Variants in BRAF observed in about 807,000 individuals in gnomAD.
BRAF encodes serine/threonine-protein kinase B-raf.
A neutral mutation model predicts 104.6 loss-of-function variants in BRAF; 16 were observed. That is an observed-to-expected ratio of 0.15 (90% CI 0.10 to 0.23). The LOEUF (loss-of-function observed/expected upper bound fraction) is 0.23. Ranked by LOEUF, BRAF falls within the 10% of genes least tolerant of loss-of-function variation. The probability of loss-of-function intolerance (pLI) is 1.00; values close to 1 mark genes in which losing one functional copy is unlikely to be tolerated. For synonymous variants in BRAF, 310 were observed against 341.6 expected, an observed-to-expected ratio of 0.91 and a Z score of 1.02; for missense variants, 541 against 937.3, an observed-to-expected ratio of 0.58 and a Z score of 5.52.
At chr7:140,818,153 T>C (rs1256017702) in intron 3 of BRAF, among the ~76,000 whole-genome samples, 1 of 152,152 alleles carries the variant, frequency 6.6e-6, no homozygotes, top group Non-Finnish European at 1.5e-5. Context: ...GATGGGACGA[T>C]GGGTGTCCAG....
chr7:140,783,627 T>C (rs1160945635), intron 10 of BRAF, among the ~76,000 whole-genome samples: 2 of 152,302 alleles, frequency 1.3e-5, no homozygotes, highest in South Asian at 2.1e-4. Context: ...TTTCTAATAA[T>C]GGCCATAATG....
chr7:140,881,832 T>C (rs1299670258), intron 1 of BRAF, among the ~76,000 whole-genome samples: 6 of 152,174 alleles, frequency 3.9e-5, no homozygotes, highest in Non-Finnish European at 7.3e-5. Context: ...GAACAGCCAG[T>C]CAGTGGAGCA....
chr7:140,850,379 ATTTTT>A (rs1562994611), intron 1 of BRAF, among the ~76,000 whole-genome samples, 167 bp from the exon 2 acceptor site: 1 of 152,104 alleles, frequency 6.6e-6, no homozygotes, highest in African/African-American at 2.4e-5. Flanking sequence ...ACATCTTTAA[ATTTTT>A]TTCTACACTA....
In BRAF at chr7:140,850,125, A is replaced by C; in HGVS notation, c.226T>G (p.Ser76Ala). ...DKFGGEHNPPSIYLEAYEEYT... is the reference protein window; with the variant it reads ...DKFGGEHNPPAIYLEAYEEYT... Reference sequence around the variant, plus strand: ...CAAAAGCTTACCTCCAGATATATTGATGGTGGATTATGCTCCCCACCAAAT... The same window carrying C: ...CAAAAGCTTACCTCCAGATATATTGCTGGTGGATTATGCTCCCCACCAAAT... The change falls in exon 2 of 20, where the codon TCA (serine) becomes GCA (alanine). Residue 76 changes from serine (S) to alanine (A), a missense_variant. By Grantham distance (99) the Ser-to-Ala change is moderately conservative. Around this residue, in one of 10 missense-constraint regions of BRAF, gnomAD observed 86 missense variants for 133.9 expected, o/e 0.64. Transcript: ENST00000644969. The C allele has an allele frequency of 6.2e-7, 1 of 1,604,990 alleles. No individual in the cohort carries two copies. The highest frequency in any genetic ancestry group is 8.5e-7 in the Non-Finnish European group (1 of 1,173,196).
intron 14 of BRAF, among the ~76,000 whole-genome samples, chr7:140,755,756 A>C (rs1415763288): frequency 6.6e-6 from 1 of 152,064 alleles, no homozygotes; most frequent in Non-Finnish European, 1.5e-5. Context: ...AATGGGCCCC[A>C]ATCAAAGCTT....
Position 140,721,537 on chromosome 7 carries a change from T to A in BRAF, c.*4957A>T. ...AATAAAACAAACATCTTACCAGTATTTTTAATTTTACCAGAGCTAGCAACA... is the reference window on the plus strand; with the variant it reads ...AATAAAACAAACATCTTACCAGTATATTTAATTTTACCAGAGCTAGCAACA... On this transcript the variant is annotated 3_prime_UTR_variant, in exon 20 of 20. Coordinates refer to ENST00000644969, the MANE Select transcript of BRAF (RefSeq NM_001374258.1). 6.9e-7 allele frequency: 1 copy of A among 1,440,238 alleles called. No individual in the cohort carries two copies. Among genetic ancestry groups the A allele is most frequent in the Non-Finnish European group, 9.1e-7 (1 of 1,100,694 alleles). The allele number at this position is 1,440,238 out of a possible 1,614,324, so 89.2% of individuals were successfully genotyped here. A position where few individuals can be genotyped will look rare whatever the true frequency, so the allele number is the denominator to read the frequency against.
At chr7:140,914,821 T>G in intron 1 of BRAF, among the ~76,000 whole-genome samples, 1 of 151,650 alleles carries the variant, frequency 6.6e-6, no homozygotes, top group Non-Finnish European at 1.5e-5. Context: ...GGACGGATCA[T>G]GAGGTCAGGA....
At chr7:140,761,609 T>G (rs552919933) in intron 14 of BRAF, among the ~76,000 whole-genome samples, 25 of 151,852 alleles carry the variant, frequency 1.6e-4, no homozygotes, top group South Asian at 1.0e-3. Context: ...GGATAAAGAG[T>G]CAAGACCCAT....
chr7:140,883,313 G>A (rs1813158818), intron 1 of BRAF, among the ~76,000 whole-genome samples: 2 of 152,222 alleles, frequency 1.3e-5, no homozygotes, highest in South Asian at 4.1e-4. Context: ...TCTCCCCACA[G>A]GGCAATTTTG....
intron 14 of BRAF, among the ~76,000 whole-genome samples, chr7:140,759,339 A>C (rs955614689): frequency 2.6e-5 from 4 of 152,230 alleles, no homozygotes; most frequent in Admixed American, 6.5e-5. Flanking sequence ...TGAGAGTTCC[A>C]GTTGTTCTTT....
chr7:140,776,532 A>T (rs1800352205), intron 14 of BRAF, among the ~76,000 whole-genome samples: 1 of 152,204 alleles, frequency 6.6e-6, no homozygotes, highest in Non-Finnish European at 1.5e-5. Flanking sequence ...TGCAACCAAA[A>T]ATACGGGCAC....
chr7:140,905,113 C>T (rs1816156935), intron 1 of BRAF, among the ~76,000 whole-genome samples: 2 of 152,156 alleles, frequency 1.3e-5, no homozygotes, highest in African/African-American at 2.4e-5. Flanking sequence ...GAATGTGTAG[C>T]CTGCCACTGT....
At chr7:140,923,465 A>T (rs188080478) in intron 1 of BRAF, among the ~76,000 whole-genome samples, 16 of 152,358 alleles carry the variant, frequency 1.1e-4, no homozygotes, top group Non-Finnish European at 2.1e-4. Flanking sequence ...GACTAATGCA[A>T]AAACAGGCTG....
intron 1 of BRAF, among the ~76,000 whole-genome samples, chr7:140,865,183 G>A (rs555120435): frequency 5.3e-5 from 8 of 151,898 alleles, no homozygotes; most frequent in Non-Finnish European, 5.9e-5. Flanking sequence ...GGGCTCAAAC[G>A]ATTCTCCTGC....
rs542582671 is a variant in BRAF at position 140,852,780 on chromosome 7, T to C, written c.139-2568A>G. 1.2e-4 allele frequency among the ~76,000 whole-genome samples: 19 copies of C among 152,316 alleles called. No homozygotes were observed. In the South Asian group the frequency reaches 2.3e-3, roughly 18 times the overall value. ...TGAATATGTCTACTAGTATACCTAA[T>C]AGGCATTTCAAACTTAACATGTTCA... On this transcript the variant is annotated intron_variant, in intron 1 of 19. Transcript: ENST00000644969.
chr7:140,914,811 G>A (rs867214264), intron 1 of BRAF, among the ~76,000 whole-genome samples: 2 of 151,688 alleles, frequency 1.3e-5, no homozygotes, highest in Non-Finnish European at 2.9e-5. Context: ...AGGCTGAGGC[G>A]GACGGATCAT....
Position 140,897,234 on chromosome 7 carries a change from G to C in BRAF, c.138+27332C>G, listed in dbSNP as rs1219306877. On this transcript the variant is annotated intron_variant, in intron 1 of 19. Transcript: ENST00000644969. ...TAGTAATGTGGACAAACAGGTTATA[G>C]ACAAACAGGTTAAGAAGTAGCCCAG... Among the ~76,000 whole-genome samples, 6 of 151,890 alleles carry C rather than the reference G, an allele frequency of 4.0e-5. No individual in the cohort carries two copies. In the East Asian group the frequency reaches 9.6e-4, roughly 24 times the overall value.
intron 1 of BRAF, among the ~76,000 whole-genome samples, chr7:140,894,602 T>TA (rs1814664441): frequency 6.6e-6 from 1 of 152,042 alleles, no homozygotes; most frequent in African/African-American, 2.4e-5. Context: ...AATGGAGGCT[T>TA]ACAGATATTA....
rs529151067 is a variant in BRAF, at chr7:140,770,869, G to A, written c.1814+6043C>T. 6.1e-5 allele frequency among the ~76,000 whole-genome samples: 9 copies of A among 147,208 alleles called. 1 individual carries two copies. In the South Asian group the frequency reaches 1.7e-3, roughly 28 times the overall value. ...AATCGCTTGAACCTGAGAGGCGGAG[G>A]TTTCAGTGAGCCAAGGTCGTGCCAC... On this transcript the variant is annotated intron_variant, in intron 14 of 19. Transcript: ENST00000644969.
Sources: gnomAD v4.1 joint callset for allele counts (sites outside exome capture counted in the v4.1 genomes callset) on GRCh38, gnomAD v4.1.1 for gene constraint, gnomAD v4.1.1 regional missense constraint, MANE v1.5 for transcripts, NCBI Gene and HGNC (gene_info 2026-07-23, HGNC 2026-07-21) for gene names.